The following DDAH1 variants were observed in gnomAD, a reference collection of about 807,000 sequenced individuals.
The protein encoded by DDAH1 is dimethylarginine dimethylaminohydrolase 1.
DDAH1 carries 19 observed loss-of-function variants against 28.8 expected under a neutral mutation model. The ratio of observed to expected loss-of-function variants is 0.66; its 90% confidence interval spans 0.46 to 0.97. DDAH1 has a LOEUF of 0.97. Among genes scored for constraint, DDAH1 ranks in the 50% least tolerant of loss-of-function variants. DDAH1 has a pLI of 0.00. For missense variants in DDAH1, 326 were observed against 375.9 expected, an observed-to-expected ratio of 0.87 and a Z score of 1.10; for synonymous variants, 153 against 154.4, an observed-to-expected ratio of 0.99 and a Z score of 0.07.
At position 85,412,943 on chromosome 1, in the gene DDAH1, G is replaced by A. The variant is rs79333021; in HGVS notation, c.303+51800C>T. ...TTGAGCCTAGCAGGTCGAGGTATCAGTGAGCTGTGATGGTGCCACTGTACT... is the reference window on the plus strand; with the variant it reads ...TTGAGCCTAGCAGGTCGAGGTATCAATGAGCTGTGATGGTGCCACTGTACT... On this transcript the variant is annotated intron_variant, in intron 1 of 5. Coordinates refer to ENST00000284031, the MANE Select transcript of DDAH1 (RefSeq NM_012137.4). 2.6e-5 allele frequency among the ~76,000 whole-genome samples: 4 copies of A among 152,314 alleles called. No individual in the cohort carries two copies. In the East Asian group the frequency reaches 7.7e-4, roughly 29 times the overall value.
chr1:85,570,325 C>T (rs1165721757), intron 1 of DDAH1, among the ~76,000 whole-genome samples: 1 of 150,630 alleles, frequency 6.6e-6, no homozygotes, highest in Non-Finnish European at 1.5e-5. Flanking sequence ...TTATTCCATA[C>T]CTTTGATCCT....
At chr1:85,565,037 A>T (rs920764170) in intron 1 of DDAH1, among the ~76,000 whole-genome samples, 1 of 151,632 alleles carries the variant, frequency 6.6e-6, no homozygotes, top group African/African-American at 2.4e-5. Context: ...TCTACTGAAA[A>T]TACAAAAAAA....
intron 1 of DDAH1, among the ~76,000 whole-genome samples, chr1:85,445,663 T>C (rs1216958430): frequency 6.6e-6 from 1 of 152,214 alleles, no homozygotes; most frequent in Admixed American, 6.5e-5. Context: ...CAGGCTGCAG[T>C]GCAGTGGTGC....
intron 2 of DDAH1, among the ~76,000 whole-genome samples, chr1:85,470,657 A>C (rs1655584745): frequency 6.6e-6 from 1 of 152,232 alleles, no homozygotes; most frequent in African/African-American, 2.4e-5. Flanking sequence ...GTTTACCGTG[A>C]AAGAAACCCA....
chr1:85,565,178 G>A (rs530440795), intron 1 of DDAH1, among the ~76,000 whole-genome samples: 25 of 151,352 alleles, frequency 1.7e-4, no homozygotes, highest in Middle Eastern at 3.4e-3. Flanking sequence ...CTCCAGCCTA[G>A]GCAATGGAAC....
chr1:85,432,132 G>A (rs914879953), intron 1 of DDAH1, among the ~76,000 whole-genome samples: 2 of 152,214 alleles, frequency 1.3e-5, no homozygotes, highest in African/African-American at 4.8e-5. Context: ...TTAGGCCCAT[G>A]TCCTTCTGTG....
intron 1 of DDAH1, among the ~76,000 whole-genome samples, chr1:85,525,525 A>T (rs1178532460): frequency 6.0e-5 from 9 of 150,606 alleles, no homozygotes; most frequent in African/African-American, 2.0e-4. Flanking sequence ...CTTAACTTCT[A>T]AGTTTTCTAA....
At chr1:85,399,507 AG>A (rs1371210324) in intron 1 of DDAH1, 1 of 152,268 alleles carries the variant, frequency 6.6e-6, no homozygotes, top group African/African-American at 2.4e-5. Flanking sequence ...TTTTGGACTA[AG>A]CTTCTGCACT....
chr1:85,439,196 T>C (rs1393235495), intron 1 of DDAH1, among the ~76,000 whole-genome samples: 1 of 152,240 alleles, frequency 6.6e-6, no homozygotes, highest in Non-Finnish European at 1.5e-5. Flanking sequence ...ATATGAATGT[T>C]CCAGCTTAGG....
intron 1 of DDAH1, among the ~76,000 whole-genome samples, chr1:85,553,234 G>C (rs559829416): frequency 3.9e-5 from 6 of 152,272 alleles, no homozygotes; most frequent in Non-Finnish European, 5.9e-5. Context: ...GTCATCTCCA[G>C]GAGGAACAGT....
At chr1:85,515,584 A>G (rs1324542033) in intron 1 of DDAH1, among the ~76,000 whole-genome samples, 3 of 150,642 alleles carry the variant, frequency 2.0e-5, no homozygotes, top group Admixed American at 2.0e-4. Flanking sequence ...AATGTAAGTT[A>G]TATCCAAAGT....
intron 2 of DDAH1, among the ~76,000 whole-genome samples, chr1:85,353,150 C>T (rs1649312489): frequency 6.6e-6 from 1 of 152,044 alleles, no homozygotes; most frequent in Non-Finnish European, 1.5e-5. Context: ...TGAAATTCAG[C>T]AGTTTTTCTA....
rs374819887 is a variant in DDAH1 at position 85,321,577 on chromosome 1, G to T, written c.742-9C>A. 2 of 1,582,552 alleles carry T rather than the reference G, an allele frequency of 1.3e-6. No homozygotes were observed. Among genetic ancestry groups the T allele is most frequent in the African/African-American group, 1.3e-5 (1 of 74,304 alleles). The stretch of plus-strand genomic sequence containing the variant: ...TTCAGTTTCTCATAAACCTACAGTG[G>T]GAATCAAGGAAAAGGAAGAAAAGAA... On this transcript the variant is annotated splice_polypyrimidine_tract_variant and intron_variant, in intron 5 of 5. Coordinates refer to ENST00000284031, the MANE Select transcript of DDAH1 (RefSeq NM_012137.4).
intron 4 of DDAH1, among the ~76,000 whole-genome samples, chr1:85,349,201 A>G (rs972877607): frequency 1.3e-5 from 2 of 152,270 alleles, no homozygotes; most frequent in African/African-American, 4.8e-5. Flanking sequence ...AAAAGCCACC[A>G]TGATACAAAT....
chr1:85,452,426 C>T (rs990163940), intron 1 of DDAH1, among the ~76,000 whole-genome samples: 12 of 152,114 alleles, frequency 7.9e-5, no homozygotes, highest in African/African-American at 2.2e-4. Flanking sequence ...CACGTAGATG[C>T]GTGCATGTGT....
upstream of DDAH1, chr1:85,467,523 A>G (rs1655429156): frequency 6.6e-6 from 1 of 152,230 alleles, no homozygotes; most frequent in African/African-American, 2.4e-5. Flanking sequence ...TGATTCTGTT[A>G]TCTCGTGCAT....
At chr1:85,374,330 C>G (rs1650540803) in intron 1 of DDAH1, among the ~76,000 whole-genome samples, 1 of 152,138 alleles carries the variant, frequency 6.6e-6, no homozygotes, top group Non-Finnish European at 1.5e-5. Flanking sequence ...CTTGCACATC[C>G]TTTGTTTACA....
At chr1:85,402,842 G>A (rs1392891188) in intron 1 of DDAH1, among the ~76,000 whole-genome samples, 2 of 149,058 alleles carry the variant, frequency 1.3e-5, no homozygotes, top group African/African-American at 2.5e-5. Context: ...CCGGGAGGCA[G>A]AGCTTGCAGT....
chr1:85,437,993 A>G lies in DDAH1; in HGVS notation c.303+26750T>C, dbSNP rs534715065. Among the ~76,000 whole-genome samples, 4 of 152,356 alleles carry G rather than the reference A, an allele frequency of 2.6e-5. No individual in the cohort carries two copies. The East Asian group carries it at 5.8e-4, about 22-fold the overall frequency. ...ACATATACACTATGTACTACTATGC[A>G]GCCATAAAAAAGAATGAAATCATGT... On this transcript the variant is annotated intron_variant, in intron 1 of 5. Coordinates refer to ENST00000284031, the MANE Select transcript of DDAH1 (RefSeq NM_012137.4).
Sources: gnomAD v4.1 joint callset for allele counts (sites outside exome capture counted in the v4.1 genomes callset) on GRCh38, gnomAD v4.1.1 for gene constraint, MANE v1.5 for transcripts, NCBI Gene and HGNC (gene_info 2026-07-23, HGNC 2026-07-21) for gene names.